Variants in TRMT10A observed in about 807,000 individuals in gnomAD.
The protein encoded by TRMT10A is tRNA methyltransferase 10A, also known as tRNA methyltransferase 10 homolog A.
In TRMT10A, 37 loss-of-function variants were observed where a neutral mutation model predicts 40.4. The observed-to-expected ratio is 0.92, with a 90% CI of 0.71 to 1.21. The LOEUF (loss-of-function observed/expected upper bound fraction) is 1.21, where lower values mean the gene tolerates loss of function less well. Ranked by LOEUF, TRMT10A falls within the 50% of genes most tolerant of loss-of-function variation. The pLI is 0.00. For missense variants in TRMT10A, 388 were observed against 404.3 expected (o/e 0.96, Z 0.35); for synonymous variants, 103 against 134.1 (o/e 0.77, Z 1.60).
chr4:99,561,449 A>G (rs1249935019), intron 1 of TRMT10A, among the ~76,000 whole-genome samples: 2 of 152,170 alleles, frequency 1.3e-5, no homozygotes, highest in Non-Finnish European at 1.5e-5. Flanking sequence ...CATCATCATC[A>G]TCATCATCTT....
At chr4:99,560,171 T>C (rs1453706400) in intron 1 of TRMT10A, among the ~76,000 whole-genome samples, 2 of 151,928 alleles carry the variant, frequency 1.3e-5, no homozygotes, top group Admixed American at 6.6e-5. Context: ...TGATACAAAT[T>C]AAAAATAGGG....
intron 6 of TRMT10A, among the ~76,000 whole-genome samples, chr4:99,552,658 C>A (rs1394426967): frequency 3.3e-5 from 5 of 152,144 alleles, no homozygotes; most frequent in African/African-American, 1.2e-4. Context: ...AGTAACACTA[C>A]TTTGCACAAA....
intron 4 of TRMT10A, 27 bp from the exon 5 acceptor site, chr4:99,556,247 A>G (rs1724156961): frequency 1.3e-6 from 2 of 1,588,000 alleles, no homozygotes; most frequent in Non-Finnish European, 1.7e-6. Context: ...AAGTATAGAA[A>G]AAGAGAACAA....
At chr4:99,553,022 AG>A (rs1284254631) in intron 6 of TRMT10A, among the ~76,000 whole-genome samples, 1 of 152,198 alleles carries the variant, frequency 6.6e-6, no homozygotes, top group African/African-American at 2.4e-5. Flanking sequence ...TTTTCCACTA[AG>A]AAAAAAACAA....
intron 1 of TRMT10A, among the ~76,000 whole-genome samples, chr4:99,562,515 CTTTTTTTTTTTTTTTTTT>C (rs67816425): frequency 5.2e-5 from 4 of 76,642 alleles, no homozygotes; most frequent in Non-Finnish European, 9.6e-5. Context: ...AAAGGAATGC[CTTTTTTTTTTTTTTTTTT>C]TTTTTTTTTT....
chr4:99,558,357 T>A (rs1724252310), intron 2 of TRMT10A, 146 bp from the exon 3 acceptor site: 1 of 721,756 alleles, frequency 1.4e-6, no homozygotes, highest in African/African-American at 1.8e-5. Flanking sequence ...TGGTCAAGTA[T>A]TAGCAGTTTT....
In TRMT10A at chr4:99,549,298, A is replaced by G. The variant is rs1300284349; in HGVS notation, c.810T>C (p.Thr270=). Residue 270 remains threonine, a synonymous_variant, in exon 8 of 8, where the codon ACT becomes ACC. Coordinates refer to ENST00000394876, the MANE Select transcript of TRMT10A (RefSeq NM_001134665.3). ...ETRDWQEAFF[T]ILPQRKGAVP... Reference sequence around the variant, plus strand: ...CAGCTCCTTTCCGTTGGGGCAAGATAGTAAAAAATGCTTCTTGCCAGTCTC... The same window carrying G: ...CAGCTCCTTTCCGTTGGGGCAAGATGGTAAAAAATGCTTCTTGCCAGTCTC... 6.2e-7 allele frequency: 1 copy of G among 1,614,154 alleles called. No homozygotes were observed. Among genetic ancestry groups the G allele is most frequent in the Non-Finnish European group, 8.5e-7 (1 of 1,179,996 alleles).
chr4:99,549,562 T>C (rs942279363), intron 7 of TRMT10A, among the ~76,000 whole-genome samples: 1 of 152,172 alleles, frequency 6.6e-6, no homozygotes, highest in Non-Finnish European at 1.5e-5. Context: ...TTTTTCTCAG[T>C]TCAGTTCTTA....
At chr4:99,556,476 G>A (rs1160508372) in intron 4 of TRMT10A, among the ~76,000 whole-genome samples, 1 of 152,044 alleles carries the variant, frequency 6.6e-6, no homozygotes, top group Non-Finnish European at 1.5e-5. Flanking sequence ...GTTATAACAT[G>A]CCTGTACCTT....
chr4:99,547,727 A>G lies in TRMT10A; in HGVS notation c.*1361T>C, dbSNP rs538529977. The G allele has an allele frequency of 3.9e-5, 6 of 152,212 alleles. No homozygotes were observed. Among genetic ancestry groups the G allele is most frequent in the African/African-American group, 7.2e-5 (3 of 41,582 alleles). 9.4% of individuals were successfully genotyped at this position (152,212 alleles called of 1,614,324 possible). A position where few individuals can be genotyped will look rare whatever the true frequency, so the allele number is the denominator to read the frequency against. ...ACAAAGTAACAAAAATAGACAGTAA[A>G]TATCAGTACTAAATCCAATAAACTT... is the stretch of plus-strand genomic sequence containing the variant. On this transcript the variant is annotated 3_prime_UTR_variant, in exon 8 of 8. Coordinates refer to ENST00000394876, the MANE Select transcript of TRMT10A (RefSeq NM_001134665.3).
intron 1 of TRMT10A, among the ~76,000 whole-genome samples, chr4:99,559,835 A>C (rs2110193425): frequency 6.6e-6 from 1 of 152,294 alleles, no homozygotes; most frequent in East Asian, 1.9e-4. Flanking sequence ...AATATTAAGC[A>C]GCCAGAAAAA....
In TRMT10A at chr4:99,559,166, C is replaced by T. The variant is rs147514114; in HGVS notation, c.173G>A (p.Arg58Gln). The T allele has an allele frequency of 1.5e-5, 24 of 1,611,710 alleles. No homozygotes were observed. The highest frequency in any genetic ancestry group is 1.3e-4 in the East Asian group (6 of 44,842). ...LIKQKQWEEQ[R>Q]ELRKQKRKEK... ...TTGAAACACATACTTGCGGAGTTCC[C>T]GTTGCTCTTCCCATTGTTTCTGTTT... The change falls in exon 2 of 8, where the codon CGG becomes CAG. Residue 58 changes from arginine to glutamine, a missense_variant. Physicochemically the swap from Arg to Gln is conservative, Grantham distance 43 (BLOSUM62 1). Transcript: ENST00000394876.
At chr4:99,553,740 C>G (rs765242700) in intron 6 of TRMT10A, 45 bp downstream of exon 6, 6 of 1,553,834 alleles carry the variant, frequency 3.9e-6, no homozygotes, top group African/African-American at 1.4e-5. Flanking sequence ...GGTGATATAT[C>G]AATTTTAAGA....
intron 5 of TRMT10A, among the ~76,000 whole-genome samples, chr4:99,554,449 G>A (rs1245438692): frequency 6.6e-6 from 1 of 152,118 alleles, no homozygotes; most frequent in Non-Finnish European, 1.5e-5. Flanking sequence ...CTGGCCACGT[G>A]CGGTGGCTCA....
chr4:99,550,516 G>T (rs1463367668), intron 7 of TRMT10A, among the ~76,000 whole-genome samples: 4 of 151,982 alleles, frequency 2.6e-5, no homozygotes, highest in Non-Finnish European at 5.9e-5. Flanking sequence ...ATCATTCAAT[G>T]ACATAAAAAA....
chr4:99,557,415 T>C lies in TRMT10A; in HGVS notation c.350A>G (p.Asp117Gly). The change falls in exon 4 of 8, where the codon GAC becomes GGC. Residue 117 changes from aspartate (D) to glycine (G), a missense_variant and splice_region_variant. Physicochemically the swap from Asp to Gly is moderately conservative, Grantham distance 94. Coordinates refer to ENST00000394876, the MANE Select transcript of TRMT10A (RefSeq NM_001134665.3). The part of the protein sequence containing the change: ...CSFDHLMVLK[D>G]IKKLHKQIQR... ...AATCTGCTTATGAAGTTTCTTAATG[T>C]CCTATCACAGAGTTCAATTTTTAAA... is the stretch of plus-strand genomic sequence containing the variant. The C allele has an allele frequency of 6.2e-7, 1 of 1,613,104 alleles. No homozygotes were observed. Among genetic ancestry groups the C allele is most frequent in the Non-Finnish European group, 8.5e-7 (1 of 1,179,422 alleles).
At chr4:99,562,982 C>T (rs942739760) in intron 1 of TRMT10A, among the ~76,000 whole-genome samples, 3 of 152,016 alleles carry the variant, frequency 2.0e-5, no homozygotes, top group Admixed American at 2.0e-4. Context: ...CCACCACGCC[C>T]GGCTAATTTT....
chr4:99,557,918 TA>T, intron 3 of TRMT10A, 130 bp downstream of exon 3: 1 of 833,666 alleles, frequency 1.2e-6, no homozygotes, highest in Non-Finnish European at 1.8e-6. Flanking sequence ...TAATTTAACT[TA>T]GGGGAAAGTT....
At chr4:99,556,243 AG>A in intron 4 of TRMT10A, 23 bp from the exon 5 acceptor site, 3 of 1,597,068 alleles carry the variant, frequency 1.9e-6, no homozygotes, top group Non-Finnish European at 2.6e-6. Context: ...TTGTAAGTAT[AG>A]AAAAAGAGAA....
Sources: allele counts gnomAD v4.1 joint callset (sites outside exome capture counted in the v4.1 genomes callset), GRCh38; gene constraint gnomAD v4.1.1; transcripts MANE v1.5; gene names NCBI Gene and HGNC (gene_info 2026-07-23, HGNC 2026-07-21).